The following LOC122513141 variants were observed in gnomAD, a reference collection of about 807,000 sequenced individuals.
At chr9:137,218,113 C>A in the LOC122513141 span, 1 of 398,796 alleles carries the variant, frequency 2.5e-6, no homozygotes, top group Non-Finnish European at 4.4e-6. Flanking sequence ...CCAGAGAGCG[C>A]CGCCTGGCCC....
At chr9:137,218,013 C>T in the LOC122513141 span, 1 of 399,210 alleles carries the variant, frequency 2.5e-6, no homozygotes, top group Non-Finnish European at 4.4e-6. Flanking sequence ...GGTGCCTGGG[C>T]CCTTCCAACC....
the LOC122513141 span, chr9:137,218,664 A>G: frequency 2.5e-6 from 1 of 398,348 alleles, no homozygotes. Context: ...CCACGTCCCC[A>G]TGCCTGGGTG....
chr9:137,218,211 G>A, the LOC122513141 span: 1 of 398,434 alleles, frequency 2.5e-6, no homozygotes, highest in South Asian at 1.3e-4. Context: ...CGGGTGCGCT[G>A]CCCGCTGTGC....
At chr9:137,218,498 C>G in the LOC122513141 span, 1 of 398,620 alleles carries the variant, frequency 2.5e-6, no homozygotes, top group South Asian at 1.3e-4. Flanking sequence ...CCGCCTGGCG[C>G]TGCTGAGCCT....
the LOC122513141 span, chr9:137,218,027 AAGG>A: frequency 1.0e-5 from 4 of 399,216 alleles, no homozygotes; most frequent in South Asian, 2.5e-4. Flanking sequence ...TCCAACCTGG[AAGG>A]AGGAGGGGAG....
the LOC122513141 span, chr9:137,219,185 G>A: frequency 1.3e-5 from 2 of 152,382 alleles, no homozygotes; most frequent in African/African-American, 2.4e-5. Context: ...CCAGGTGGGG[G>A]TTGGCGCTGG....
At chr9:137,218,431 T>C in the LOC122513141 span, 1 of 398,290 alleles carries the variant, frequency 2.5e-6, no homozygotes, top group East Asian at 3.6e-5. Context: ...TCCTGCCCTG[T>C]CCACCCTGCC....
chr9:137,217,758 G>A, the LOC122513141 span: 1 of 389,944 alleles, frequency 2.6e-6, no homozygotes, highest in African/African-American at 2.1e-5. Flanking sequence ...GCCGCCCTGG[G>A]GTCCCTGTCC....
chr9:137,218,237 G>A, the LOC122513141 span: 7 of 398,256 alleles, frequency 1.8e-5, no homozygotes, highest in South Asian at 2.5e-4. Context: ...GAAGACGCCC[G>A]TGCTGGAATG....
chr9:137,217,839 C>G, the LOC122513141 span: 1 of 398,094 alleles, frequency 2.5e-6, no homozygotes. Flanking sequence ...CTCCACCTGG[C>G]CGACTCCAGC....
At chr9:137,217,932 A>T in the LOC122513141 span, 43 of 398,570 alleles carry the variant, frequency 1.1e-4, no homozygotes, top group South Asian at 4.7e-3. Context: ...AGCAAAGGGG[A>T]TGACCTTGGG....
chr9:137,217,747 C>T, the LOC122513141 span: 18 of 383,866 alleles, frequency 4.7e-5, no homozygotes, highest in Admixed American at 4.1e-4. Flanking sequence ...CCGCCCCTGT[C>T]GCCGCCCTGG....
At chr9:137,218,800 C>T in the LOC122513141 span, 1 of 396,564 alleles carries the variant, frequency 2.5e-6, no homozygotes, top group Non-Finnish European at 4.4e-6. Context: ...TGCCAGAGTC[C>T]ATGGCTGCAC....
At chr9:137,218,147 T>C in the LOC122513141 span, 70 of 397,698 alleles carry the variant, frequency 1.8e-4, no homozygotes, top group African/African-American at 1.3e-3. Flanking sequence ...CCACGGCCTG[T>C]GTGTGGGCTG....
chr9:137,219,054 C>G, the LOC122513141 span: 1 of 159,716 alleles, frequency 6.3e-6, no homozygotes, highest in East Asian at 1.8e-4. Context: ...GGGACTCCGC[C>G]CACCCTGTGT....
the LOC122513141 span, chr9:137,219,300 G>C: frequency 6.6e-6 from 1 of 152,330 alleles, no homozygotes; most frequent in African/African-American, 2.4e-5. Context: ...AGGTGGCCCA[G>C]CGAGAGATGG....
the LOC122513141 span, chr9:137,218,658 G>A: frequency 2.3e-5 from 9 of 398,498 alleles, no homozygotes; most frequent in Admixed American, 4.4e-5. Context: ...ACTGGCCCAC[G>A]TCCCCATGCC....
the LOC122513141 span, chr9:137,218,310 G>C: frequency 7.5e-6 from 3 of 398,160 alleles, no homozygotes; most frequent in African/African-American, 4.1e-5. Context: ...CAGCCCCGCC[G>C]AGAGGCCCCT....
the LOC122513141 span, chr9:137,217,613 A>T: frequency 5.3e-6 from 1 of 187,062 alleles, no homozygotes; most frequent in African/African-American, 2.3e-5. Context: ...GCGTGGGCCC[A>T]GGATCCACCC....
Sources: allele counts gnomAD v4.1 joint callset, GRCh38; gene constraint gnomAD v4.1.1; transcripts MANE v1.5.